Variants in SV2C observed in about 807,000 individuals in gnomAD.
The protein encoded by SV2C is synaptic vesicle glycoprotein 2C.
In SV2C, 49 loss-of-function variants were observed where a neutral mutation model predicts 79.7. That is an observed-to-expected ratio of 0.61 (90% CI 0.49 to 0.78). The LOEUF (loss-of-function observed/expected upper bound fraction) is 0.78, where lower values mean the gene tolerates loss of function less well. Ranked by LOEUF, SV2C falls within the 30% of genes least tolerant of loss-of-function variation. SV2C has a pLI of 0.00. For synonymous variants in SV2C, 334 were observed against 333.2 expected (o/e 1.00, Z -0.03); for missense variants, 833 against 912.9 (o/e 0.91, Z 1.13).
At chr5:76,146,635 C>T (rs1035514796) in intron 2 of SV2C, among the ~76,000 whole-genome samples, 6 of 151,978 alleles carry the variant, frequency 3.9e-5, no homozygotes, top group Admixed American at 1.3e-4. Context: ...TATCCTGTTA[C>T]TTAGAATGCC....
intron 12 of SV2C, among the ~76,000 whole-genome samples, chr5:76,340,637 C>T (rs1312652613): frequency 1.3e-5 from 2 of 152,124 alleles, no homozygotes; most frequent in East Asian, 1.9e-4. Flanking sequence ...TTAGCCTATC[C>T]GCAAAATGCC....
intron 12 of SV2C, among the ~76,000 whole-genome samples, chr5:76,305,796 T>C (rs920915810): frequency 6.6e-6 from 1 of 152,228 alleles, no homozygotes; most frequent in East Asian, 1.9e-4. Context: ...AGCATAACAA[T>C]TGCAGTCTTA....
At chr5:75,905,432 A>C in the SV2C span, among the ~76,000 whole-genome samples, 9 of 152,110 alleles carry the variant, frequency 5.9e-5, no homozygotes. Context: ...CCATGTTGCA[A>C]AATAAACTGG....
upstream of SV2C, among the ~76,000 whole-genome samples, chr5:76,082,575 T>TTTTCTTTCTTTC (rs148669552): frequency 1.3e-5 from 2 of 150,366 alleles, no homozygotes; most frequent in African/African-American, 4.9e-5. Flanking sequence ...TTCTTTCTCT[T>TTTTCTTTCTTTC]TTTCTTTCTT....
At chr5:76,310,114 A>T (rs1168879428) in intron 12 of SV2C, among the ~76,000 whole-genome samples, 1 of 152,250 alleles carries the variant, frequency 6.6e-6, no homozygotes, top group Non-Finnish European at 1.5e-5. Flanking sequence ...ATTGGGAGAC[A>T]GCAGTGAACA....
intron 1 of SV2C, among the ~76,000 whole-genome samples, chr5:76,121,911 A>T (rs1272587444): frequency 1.2e-3 from 189 of 151,604 alleles, no homozygotes; most frequent in Non-Finnish European, 2.5e-3. Context: ...GTGAAGAAAG[A>T]CATTGGTAGC....
At chr5:76,212,605 G>C (rs1561266666) in intron 4 of SV2C, among the ~76,000 whole-genome samples, 1 of 152,016 alleles carries the variant, frequency 6.6e-6, no homozygotes, top group South Asian at 2.1e-4. Context: ...GTTAATGGCT[G>C]TCTCTTTCCT....
At chr5:76,077,298 C>G in the SV2C span, among the ~76,000 whole-genome samples, 1 of 152,106 alleles carries the variant, frequency 6.6e-6, no homozygotes, top group Admixed American at 6.5e-5. Flanking sequence ...AAAATCCAGA[C>G]TGTGGAGAGC....
intron 2 of SV2C, among the ~76,000 whole-genome samples, chr5:76,149,154 T>C (rs1749525416): frequency 6.6e-6 from 1 of 152,226 alleles, no homozygotes. Flanking sequence ...GGCATGGTCA[T>C]ATCAGTCATA....
the SV2C span, among the ~76,000 whole-genome samples, chr5:75,849,811 T>A: frequency 6.6e-6 from 1 of 152,206 alleles, no homozygotes; most frequent in Non-Finnish European, 1.5e-5. Flanking sequence ...ATTTATAAAA[T>A]GAGTAACAGA....
intron 4 of SV2C, among the ~76,000 whole-genome samples, chr5:76,241,163 T>G (rs148350827): frequency 0.11 from 16,582 of 148,628 alleles, 2,645 homozygotes; most frequent in African/African-American, 0.36. Context: ...CACCATGTTG[T>G]CCAGGATGGT....
chr5:76,023,630 C>A, the SV2C span, among the ~76,000 whole-genome samples: 2 of 147,922 alleles, frequency 1.4e-5, no homozygotes, highest in East Asian at 3.9e-4. Context: ...TTTCCTCCAT[C>A]CCTAGCACAT....
chr5:76,093,866 G>A (rs1039741591), intron 1 of SV2C, among the ~76,000 whole-genome samples: 3 of 152,116 alleles, frequency 2.0e-5, no homozygotes, highest in African/African-American at 7.2e-5. Flanking sequence ...ACTATTCCAA[G>A]GAACAGTTTT....
chr5:76,086,605 G>A (rs2112087601), intron 1 of SV2C, among the ~76,000 whole-genome samples: 1 of 149,266 alleles, frequency 6.7e-6, no homozygotes, highest in East Asian at 2.0e-4. Context: ...TTTCAATGAA[G>A]TCTGTTTGTA....
At chr5:75,956,506 C>G in the SV2C span, among the ~76,000 whole-genome samples, 1 of 151,778 alleles carries the variant, frequency 6.6e-6, no homozygotes, top group Non-Finnish European at 1.5e-5. Context: ...TGTAACTAAC[C>G]TGCACATTGT....
the SV2C span, among the ~76,000 whole-genome samples, chr5:75,958,634 C>T: frequency 6.6e-6 from 1 of 152,110 alleles, no homozygotes; most frequent in Non-Finnish European, 1.5e-5. Flanking sequence ...TGAACAGCTT[C>T]TAGTCACTAC....
At chr5:76,224,694 C>T (rs1411644017) in intron 4 of SV2C, among the ~76,000 whole-genome samples, 1 of 151,692 alleles carries the variant, frequency 6.6e-6, no homozygotes, top group Non-Finnish European at 1.5e-5. Flanking sequence ...GTTGAATAAC[C>T]TCAAAATCCT....
the SV2C span, among the ~76,000 whole-genome samples, chr5:75,957,681 A>G: frequency 6.6e-6 from 1 of 152,070 alleles, no homozygotes; most frequent in African/African-American, 2.4e-5. Context: ...AAGAAGTTGC[A>G]TATGGCAAGT....
At chr5:75,924,195 G>A in the SV2C span, among the ~76,000 whole-genome samples, 1 of 152,216 alleles carries the variant, frequency 6.6e-6, no homozygotes, top group South Asian at 2.1e-4. Context: ...CTTAGAAGTG[G>A]GAGCTAAACT....
Sources: gnomAD v4.1 joint callset for allele counts (sites outside exome capture counted in the v4.1 genomes callset) on GRCh38, gnomAD v4.1.1 for gene constraint, MANE v1.5 for transcripts, NCBI Gene and HGNC (gene_info 2026-07-23, HGNC 2026-07-21) for gene names.